Variants in ALPK1 observed in about 807,000 individuals in gnomAD.
ALPK1 encodes the protein alpha-protein kinase 1.
A neutral mutation model predicts 120.6 loss-of-function variants in ALPK1; 110 were observed. The observed-to-expected ratio is 0.91, with a 90% CI of 0.78 to 1.07. ALPK1 has a LOEUF of 1.07. Ranked by LOEUF, ALPK1 falls within the 50% of genes least tolerant of loss-of-function variation. The pLI, the probability that ALPK1 is intolerant of heterozygous loss-of-function variation, is 0.00. For synonymous variants in ALPK1, 582 were observed against 560.3 expected, an observed-to-expected ratio of 1.04 and a Z score of -0.55; for missense variants, 1,498 against 1,483.9, an observed-to-expected ratio of 1.01 and a Z score of -0.16.
intron 2 of ALPK1, among the ~76,000 whole-genome samples, chr4:112,339,917 C>G (rs1351365690): frequency 6.6e-6 from 1 of 152,208 alleles, no homozygotes; most frequent in South Asian, 2.1e-4. Context: ...TCATTTTAAT[C>G]TTAGTTGAAA....
intron 4 of ALPK1, among the ~76,000 whole-genome samples, chr4:112,394,826 G>A (rs1732580893): frequency 6.6e-6 from 1 of 152,168 alleles, no homozygotes; most frequent in African/African-American, 2.4e-5. Flanking sequence ...CAAGTGGGCT[G>A]AGCAACCCAG....
intron 2 of ALPK1, among the ~76,000 whole-genome samples, chr4:112,346,225 T>G (rs1258674062): frequency 6.6e-6 from 1 of 152,240 alleles, no homozygotes; most frequent in Non-Finnish European, 1.5e-5. Context: ...TTAACACTAA[T>G]TCTTTAATAT....
intron 11 of ALPK1, among the ~76,000 whole-genome samples, chr4:112,432,814 A>C (rs948257216): frequency 4.6e-5 from 7 of 152,220 alleles, no homozygotes; most frequent in African/African-American, 1.7e-4. Flanking sequence ...GTTTGCTCTA[A>C]GGACACACGA....
chr4:112,300,804 A>G (rs937643266), intron 1 of ALPK1, among the ~76,000 whole-genome samples: 4 of 151,426 alleles, frequency 2.6e-5, no homozygotes, highest in African/African-American at 7.3e-5. Context: ...CATATTTTGG[A>G]TTTAGTAATT....
At chr4:112,355,983 C>G (rs1171016700) in intron 2 of ALPK1, among the ~76,000 whole-genome samples, 1 of 152,238 alleles carries the variant, frequency 6.6e-6, no homozygotes, top group African/African-American at 2.4e-5. Context: ...CATAGGGATT[C>G]TAGAAGAGAA....
At chr4:112,319,124 A>G (rs1481557612) in intron 2 of ALPK1, among the ~76,000 whole-genome samples, 1 of 152,224 alleles carries the variant, frequency 6.6e-6, no homozygotes, top group Non-Finnish European at 1.5e-5. Flanking sequence ...CAGGAAGACC[A>G]GCCTGGAGGC....
In ALPK1 at chr4:112,378,196, G is replaced by A. The variant is rs185667498; in HGVS notation, c.121+298G>A. Among the ~76,000 whole-genome samples, 74 of 152,316 alleles carry A rather than the reference G, an allele frequency of 4.9e-4. 1 individual carries two copies. The highest frequency in any genetic ancestry group is 4.4e-3 in the Admixed American group (67 of 15,308). ...AAAGGATCCAAGTTGGCTGGTGCAC[G>A]TAAATTTCAATTATTAAAAAATTGA... On this transcript the variant is annotated intron_variant, in intron 3 of 15. Coordinates refer to ENST00000650871, the MANE Select transcript of ALPK1 (RefSeq NM_025144.4).
At chr4:112,427,149 G>C (rs537182104) in intron 8 of ALPK1, among the ~76,000 whole-genome samples, 2 of 152,302 alleles carry the variant, frequency 1.3e-5, no homozygotes, top group East Asian at 3.9e-4. Context: ...GTAGGGACAA[G>C]TTAGTATTGA....
chr4:112,380,189 T>C (rs1165214977), intron 3 of ALPK1, among the ~76,000 whole-genome samples: 1 of 152,210 alleles, frequency 6.6e-6, no homozygotes, highest in Non-Finnish European at 1.5e-5. Context: ...TAAGGGGTCA[T>C]CCTGTCTGTG....
At chr4:112,409,827 A>G (rs1733371276) in intron 4 of ALPK1, among the ~76,000 whole-genome samples, 1 of 152,220 alleles carries the variant, frequency 6.6e-6, no homozygotes, top group Non-Finnish European at 1.5e-5. Flanking sequence ...GGAAGGAAAC[A>G]TCGAGAGGAG....
At chr4:112,357,526 C>T in intron 2 of ALPK1, 3 of 944,356 alleles carry the variant, frequency 3.2e-6, no homozygotes, top group East Asian at 2.5e-5. Flanking sequence ...GCTGGTCTGT[C>T]AGGGCATCTG....
At chr4:112,318,963 G>A (rs1468378640) in intron 2 of ALPK1, among the ~76,000 whole-genome samples, 8 of 152,202 alleles carry the variant, frequency 5.3e-5, no homozygotes, top group African/African-American at 1.4e-4. Context: ...GACCCTCCAT[G>A]CCAAGTTCAG....
At chr4:112,349,874 A>T (rs1730272658) in intron 2 of ALPK1, among the ~76,000 whole-genome samples, 1 of 152,058 alleles carries the variant, frequency 6.6e-6, no homozygotes, top group South Asian at 2.1e-4. Flanking sequence ...TTTTAAAAAA[A>T]CTCTTAAGCT....
Position 112,432,111 on chromosome 4 carries a change from G to A in ALPK1, c.2564G>A (p.Gly855Glu). 6.2e-7 allele frequency: 1 copy of A among 1,614,156 alleles called. No homozygotes were observed. ...GATGCCTCCACAGTGGATGAGGAGGGGCAACTGCTCGACAGCATGGATGTT... is the reference window on the plus strand; with the variant it reads ...GATGCCTCCACAGTGGATGAGGAGGAGCAACTGCTCGACAGCATGGATGTT... ...DPDASTVDEE[G>E]QLLDSMDVPC... Residue 855 changes from glycine to glutamate, a missense_variant, in exon 11 of 16, where the codon GGG (glycine) becomes GAG (glutamate). By Grantham distance (98) the Gly-to-Glu change is moderately conservative (BLOSUM62 -2). Transcript: ENST00000650871.
Position 112,385,545 on chromosome 4 carries a change from T to C in ALPK1, c.276+2993T>C, listed in dbSNP as rs1258905059. On this transcript the variant is annotated intron_variant, in intron 4 of 15. Transcript: ENST00000650871. ...TTAAGCAACCGCACCTCCTAATGAC[T>C]TTTAGGATGTTCTCCTATTGTGCCA... Among the ~76,000 whole-genome samples, 5 of 152,164 alleles carry C rather than the reference T, an allele frequency of 3.3e-5. No individual in the cohort carries two copies. In the South Asian group the frequency reaches 6.2e-4, roughly 19 times the overall value.
At position 112,329,593 on chromosome 4, in the gene ALPK1, A is replaced by G. The variant is rs34052090; in HGVS notation, c.-101+13741A>G. Among the ~76,000 whole-genome samples the G allele has an allele frequency of 1.5e-3, 236 of 152,380 alleles. 3 individuals are homozygous for G. In the East Asian group the frequency reaches 0.042, roughly 27 times the overall value. On this transcript the variant is annotated intron_variant, in intron 2 of 15. Transcript: ENST00000650871. ...AAGTATAAAAGTTATCAGAGAATTC[A>G]GAAATTATAAGATGTTATCTAAGGG...
rs112414077 is a variant in ALPK1 at position 112,433,146 on chromosome 4, G to A, written c.3034+565G>A. Among the ~76,000 whole-genome samples the A allele has an allele frequency of 3.2e-3, 481 of 152,292 alleles. 4 individuals are homozygous for A. Among genetic ancestry groups the A allele is most frequent in the African/African-American group, 0.011 (438 of 41,556 alleles). On this transcript the variant is annotated intron_variant, in intron 11 of 15. Coordinates refer to ENST00000650871, the MANE Select transcript of ALPK1 (RefSeq NM_025144.4). ...TGTCTACCTAAGCGGTTTCTTGCCAGCCAATTGGTTGGTCAAGTGCATCCT... is the reference window on the plus strand; with the variant it reads ...TGTCTACCTAAGCGGTTTCTTGCCAACCAATTGGTTGGTCAAGTGCATCCT...
chr4:112,439,917 A>T (rs1734960066), intron 14 of ALPK1, 45 bp downstream of exon 14: 1 of 1,472,154 alleles, frequency 6.8e-7, no homozygotes, highest in African/African-American at 1.4e-5. Flanking sequence ...ATTATATGTA[A>T]ATGTGAAGTT....
At chr4:112,388,849 A>G (rs1732271754) in intron 4 of ALPK1, among the ~76,000 whole-genome samples, 1 of 152,208 alleles carries the variant, frequency 6.6e-6, no homozygotes, top group South Asian at 2.1e-4. Flanking sequence ...TGACCTCCTA[A>G]TATGTGGCAG....
Sources: gnomAD v4.1 joint callset for allele counts (sites outside exome capture counted in the v4.1 genomes callset) on GRCh38, gnomAD v4.1.1 for gene constraint, MANE v1.5 for transcripts, NCBI Gene and HGNC (gene_info 2026-07-23, HGNC 2026-07-21) for gene names.